OSBP2: variants seen among roughly 807,000 people sequenced by gnomAD.
OSBP2 encodes the protein oxysterol binding protein 2, also known as oxysterol-binding protein 2.
In OSBP2, 66 loss-of-function variants were observed where a neutral mutation model predicts 96.0. That is an observed-to-expected ratio of 0.69 (90% CI 0.56 to 0.84). The LOEUF is 0.84. Among genes scored for constraint, OSBP2 ranks in the 40% least tolerant of loss-of-function variants. The pLI, the probability that OSBP2 is intolerant of heterozygous loss-of-function variation, is 0.00. For synonymous variants in OSBP2, 525 were observed against 520.9 expected (o/e 1.01, Z -0.11); for missense variants, 1,038 against 1,222.7 (o/e 0.85, Z 2.25).
rs143518451 is a variant in OSBP2, at chr22:30,906,553, G to A, written c.*214G>A. ...GTTCTCTCCAGCCCCCAGGTGCGCC[G>A]GGTCACCCGTGCCCCTTCATTATGG... On this transcript the variant is annotated 3_prime_UTR_variant, in exon 14 of 14. Transcript: ENST00000332585. 442 of 514,316 alleles carry A rather than the reference G, an allele frequency of 8.6e-4. No individual in the cohort carries two copies. The highest frequency in any genetic ancestry group is 1.3e-3 in the Non-Finnish European group (385 of 307,176). 31.9% of individuals were successfully genotyped at this position (514,316 alleles called of 1,614,324 possible). A position where few individuals can be genotyped will look rare whatever the true frequency, so the allele number is the denominator to read the frequency against.
chr22:30,703,599 C>T (rs1442785637), intron 1 of OSBP2, among the ~76,000 whole-genome samples: 3 of 151,928 alleles, frequency 2.0e-5, no homozygotes, highest in South Asian at 2.1e-4. Flanking sequence ...TCTTAGTCTC[C>T]CAAGTAGCTG....
chr22:30,885,442 A>G (rs2039789212), intron 3 of OSBP2, among the ~76,000 whole-genome samples: 1 of 152,230 alleles, frequency 6.6e-6, no homozygotes, highest in South Asian at 2.1e-4. Context: ...CCCTGCTTCA[A>G]AACTGGTGGT....
chr22:30,863,563 C>G lies in OSBP2; in HGVS notation c.854-6866C>G, dbSNP rs542317521. ...AATGCCCTGCTCTGGGGGTCTGGAG[C>G]CTTGTGATGGGAGTCCCAGAGAGCA... On this transcript the variant is annotated intron_variant, in intron 2 of 13. Transcript: ENST00000332585. 2.6e-4 allele frequency among the ~76,000 whole-genome samples: 39 copies of G among 152,224 alleles called. 1 individual carries two copies. The East Asian group carries it at 7.5e-3, about 29-fold the overall frequency.
chr22:30,793,097 A>G (rs2090700368), intron 2 of OSBP2, among the ~76,000 whole-genome samples: 1 of 152,218 alleles, frequency 6.6e-6, no homozygotes, highest in South Asian at 2.1e-4. Context: ...TGACTTGAAA[A>G]AGGATTTAGG....
At chr22:30,793,297 G>A (rs948073483) in intron 2 of OSBP2, among the ~76,000 whole-genome samples, 1 of 152,100 alleles carries the variant, frequency 6.6e-6, no homozygotes, top group African/African-American at 2.4e-5. Context: ...GGCTGAGGCA[G>A]GAGAATCACT....
At chr22:30,815,808 T>A (rs1445745705) in intron 2 of OSBP2, among the ~76,000 whole-genome samples, 1 of 152,226 alleles carries the variant, frequency 6.6e-6, no homozygotes, top group African/African-American at 2.4e-5. Context: ...GGCTGTGTAA[T>A]ATTCCACTGA....
At chr22:30,829,281 A>G (rs1192708341) in intron 2 of OSBP2, among the ~76,000 whole-genome samples, 1 of 151,946 alleles carries the variant, frequency 6.6e-6, no homozygotes, top group Non-Finnish European at 1.5e-5. Flanking sequence ...CTTTACCCCT[A>G]CTTATTTTTT....
rs1346617414 is a variant in OSBP2 at position 30,881,989 on chromosome 22, A to C, written c.1108-5437A>C. Among the ~76,000 whole-genome samples the C allele has an allele frequency of 6.6e-6, 1 of 152,176 alleles. No homozygotes were observed. The highest frequency in any genetic ancestry group is 1.5e-5 in the Non-Finnish European group (1 of 68,030). On this transcript the variant is annotated intron_variant, in intron 3 of 13. Coordinates refer to ENST00000332585, the MANE Select transcript of OSBP2 (RefSeq NM_030758.4). The surrounding 1 kb of genome is among the most constrained non-coding windows in gnomAD (Gnocchi z 4.5). ...GACACTCTACGACCTGCATGTGCCCAGCCTAGGCACATGTACCCAAATGAG... is the reference window on the plus strand; with the variant it reads ...GACACTCTACGACCTGCATGTGCCCCGCCTAGGCACATGTACCCAAATGAG...
intron 2 of OSBP2, among the ~76,000 whole-genome samples, chr22:30,840,209 TAAA>T (rs145829486): frequency 7.9e-6 from 1 of 126,364 alleles, no homozygotes; most frequent in African/African-American, 3.0e-5. Context: ...TCAAGTGTAA[TAAA>T]AAAAAAAAAG....
chr22:30,742,403 C>G (rs1009270099), intron 2 of OSBP2, among the ~76,000 whole-genome samples: 3 of 149,180 alleles, frequency 2.0e-5, no homozygotes, highest in African/African-American at 5.1e-5. Context: ...GGGTGAGACT[C>G]TGTCTCAAAA....
At chr22:30,814,171 G>A (rs993518040) in intron 2 of OSBP2, among the ~76,000 whole-genome samples, 1 of 152,038 alleles carries the variant, frequency 6.6e-6, no homozygotes, top group African/African-American at 2.4e-5. Flanking sequence ...GAGTCAGCCT[G>A]GGCTGTCATC....
chr22:30,696,463 T>A (rs1268298603), intron 1 of OSBP2, among the ~76,000 whole-genome samples: 1 of 152,146 alleles, frequency 6.6e-6, no homozygotes, highest in Non-Finnish European at 1.5e-5. Flanking sequence ...GGGAAGGGCC[T>A]GAGATTCGGA....
chr22:30,737,538 A>C (rs2089874418), intron 1 of OSBP2, among the ~76,000 whole-genome samples: 1 of 151,360 alleles, frequency 6.6e-6, no homozygotes, highest in Admixed American at 6.6e-5. Flanking sequence ...TATGTTGCCC[A>C]TGCTGGTCTT....
intron 2 of OSBP2, among the ~76,000 whole-genome samples, chr22:30,776,934 T>G (rs1360034346): frequency 6.6e-6 from 1 of 152,218 alleles, no homozygotes; most frequent in Non-Finnish European, 1.5e-5. Flanking sequence ...AAGATCTGAC[T>G]GCCCCACTGG....
chr22:30,846,197 A>C (rs1482920825), intron 2 of OSBP2, among the ~76,000 whole-genome samples: 1 of 151,902 alleles, frequency 6.6e-6, no homozygotes, highest in East Asian at 1.9e-4. Flanking sequence ...ACCCAGCTGG[A>C]GTGCAGTGGT....
intron 2 of OSBP2, among the ~76,000 whole-genome samples, chr22:30,810,054 C>G (rs1372467890): frequency 6.6e-6 from 1 of 152,022 alleles, no homozygotes. Context: ...AGTTCTATAG[C>G]TTGGAGGGGC....
chr22:30,805,228 C>T (rs1401394069), intron 2 of OSBP2, among the ~76,000 whole-genome samples: 8 of 152,156 alleles, frequency 5.3e-5, no homozygotes, highest in Non-Finnish European at 8.8e-5. Flanking sequence ...AGTTATAAAA[C>T]GTGCATGAAA....
At chr22:30,766,264 C>T (rs1425348588) in intron 2 of OSBP2, among the ~76,000 whole-genome samples, 1 of 152,084 alleles carries the variant, frequency 6.6e-6, no homozygotes, top group Non-Finnish European at 1.5e-5. Flanking sequence ...GGGTATGGCT[C>T]ATGGAAGGGA....
At chr22:30,697,662 G>A (rs894828274) in intron 1 of OSBP2, among the ~76,000 whole-genome samples, 1 of 152,218 alleles carries the variant, frequency 6.6e-6, no homozygotes, top group Non-Finnish European at 1.5e-5. Flanking sequence ...GAAGATAAAT[G>A]CTAGTTTTGT....
Sources: allele counts gnomAD v4.1 joint callset (sites outside exome capture counted in the v4.1 genomes callset), GRCh38; gene constraint gnomAD v4.1.1; non-coding constraint Gnocchi (gnomAD v3.1); transcripts MANE v1.5; gene names NCBI Gene and HGNC (gene_info 2026-07-23, HGNC 2026-07-21).